SNTG1: variants seen among roughly 807,000 people sequenced by gnomAD.
The protein encoded by SNTG1 is syntrophin gamma 1.
A neutral mutation model predicts 74.7 loss-of-function variants in SNTG1; 39 were observed. The observed-to-expected ratio is 0.52, with a 90% CI of 0.40 to 0.68. The LOEUF (loss-of-function observed/expected upper bound fraction) is 0.68, where lower values mean the gene tolerates loss of function less well. SNTG1 is among the 30% of genes least tolerant of loss of function. The probability of loss-of-function intolerance (pLI) is 0.00; values close to 1 mark genes in which losing one functional copy is unlikely to be tolerated. For synonymous variants in SNTG1, 254 were observed against 217.1 expected, an observed-to-expected ratio of 1.17 and a Z score of -1.49; for missense variants, 685 against 609.5, an observed-to-expected ratio of 1.12 and a Z score of -1.30.
At chr8:50,738,049 T>A (rs10453121) in intron 17 of SNTG1, among the ~76,000 whole-genome samples, 15,521 of 152,100 alleles carry the variant, frequency 0.1, 2,214 homozygotes, top group African/African-American at 0.32. Context: ...GTATTGGAAG[T>A]TCTGGCCAGG....
intron 17 of SNTG1, among the ~76,000 whole-genome samples, chr8:50,728,922 G>A (rs972464094): frequency 1.3e-5 from 2 of 152,204 alleles, no homozygotes; most frequent in African/African-American, 4.8e-5. Flanking sequence ...GCACTGTCCA[G>A]AGTTCTGTGC....
At chr8:50,634,184 C>A (rs1426717876) in intron 13 of SNTG1, among the ~76,000 whole-genome samples, 2 of 152,078 alleles carry the variant, frequency 1.3e-5, no homozygotes, top group African/African-American at 4.8e-5. Flanking sequence ...GTCAATATAC[C>A]CCTAAATAAA....
At chr8:50,284,628 A>G (rs1409195976) in intron 2 of SNTG1, among the ~76,000 whole-genome samples, 1 of 152,234 alleles carries the variant, frequency 6.6e-6, no homozygotes, top group African/African-American at 2.4e-5. Flanking sequence ...GAAATCAGCC[A>G]TTTCTCCAAG....
chr8:49,960,862 C>CAAAAAGAATTAAGTTGGATG (rs1810618111), intron 1 of SNTG1, among the ~76,000 whole-genome samples: 1 of 152,060 alleles, frequency 6.6e-6, no homozygotes, highest in African/African-American at 2.4e-5. Flanking sequence ...GAGATAATGG[C>CAAAAAGAATTAAGTTGGATG]CCCTCTATTC....
At position 50,359,625 on chromosome 8, in the gene SNTG1, C is replaced by A. The variant is rs944832031; in HGVS notation, c.-27-34587C>A. On this transcript the variant is annotated intron_variant, in intron 2 of 18. Coordinates refer to ENST00000642720, the MANE Select transcript of SNTG1 (RefSeq NM_018967.5). ...ATTTTGGAAATCTGTCTAAAATATG[C>A]CACTGACTTGACAGTGAAAATAAAT... Among the ~76,000 whole-genome samples, 10 of 152,222 alleles carry A rather than the reference C, an allele frequency of 6.6e-5. No individual in the cohort carries two copies. In the East Asian group the frequency reaches 7.7e-4, roughly 12 times the overall value.
chr8:50,411,849 G>A (rs766976581), intron 4 of SNTG1, among the ~76,000 whole-genome samples: 4 of 152,122 alleles, frequency 2.6e-5, no homozygotes, highest in Admixed American at 6.5e-5. Context: ...GGTGGTGGCC[G>A]CAGTGGGATT....
chr8:50,143,875 T>C (rs910223445), intron 1 of SNTG1, among the ~76,000 whole-genome samples: 8 of 152,216 alleles, frequency 5.3e-5, no homozygotes, highest in African/African-American at 1.9e-4. Flanking sequence ...CTGCTGCTTA[T>C]TAAAAGTTAC....
In SNTG1 at chr8:50,726,588, G is replaced by C. The variant is rs189555169; in HGVS notation, c.1284+17610G>C. ...TTTGAGGCTGGGCGCACTGGCTCAC[G>C]CCTGTAATCCCAGCTCTTTGGGAGG... On this transcript the variant is annotated intron_variant, in intron 17 of 18. Coordinates refer to ENST00000642720, the MANE Select transcript of SNTG1 (RefSeq NM_018967.5). 9.1e-4 allele frequency among the ~76,000 whole-genome samples: 138 copies of C among 152,294 alleles called. 2 individuals carry two copies. The highest frequency in any genetic ancestry group is 6.8e-3 in the Middle Eastern group (2 of 294).
intron 4 of SNTG1, among the ~76,000 whole-genome samples, chr8:50,432,663 A>T (rs1344836143): frequency 6.6e-6 from 1 of 152,086 alleles, no homozygotes; most frequent in Non-Finnish European, 1.5e-5. Flanking sequence ...ATCTCTTCAT[A>T]TGTTTTGAAC....
In SNTG1 at chr8:50,290,772, T is replaced by C. The variant is rs191473929; in HGVS notation, c.-27-103440T>C. ...TTATTTATTTTGTTTTGTTTTGCTT[T>C]TTTTGAGACAGGGTCTCTGTTTGTC... On this transcript the variant is annotated intron_variant, in intron 2 of 18. Transcript: ENST00000642720. Among the ~76,000 whole-genome samples, 31 of 152,270 alleles carry C rather than the reference T, an allele frequency of 2.0e-4. 1 individual carries two copies. The East Asian group carries it at 3.9e-3, about 19-fold the overall frequency.
chr8:50,049,121 C>G (rs1563521620), intron 1 of SNTG1, among the ~76,000 whole-genome samples: 1 of 151,848 alleles, frequency 6.6e-6, no homozygotes. Context: ...TGGAAAAGAG[C>G]CATGAATTGT....
At chr8:50,720,572 A>G (rs986869261) in intron 17 of SNTG1, among the ~76,000 whole-genome samples, 1 of 152,204 alleles carries the variant, frequency 6.6e-6, no homozygotes, top group Admixed American at 6.5e-5. Context: ...TCTAAGCATT[A>G]TGAGGGCCTA....
At chr8:50,616,891 C>T (rs2094888926) in intron 13 of SNTG1, among the ~76,000 whole-genome samples, 1 of 152,024 alleles carries the variant, frequency 6.6e-6, no homozygotes, top group Non-Finnish European at 1.5e-5. Context: ...ACGCAAGCCC[C>T]AGCTGTAGTG....
chr8:50,126,348 C>T (rs189142369), intron 1 of SNTG1, among the ~76,000 whole-genome samples: 1 of 151,978 alleles, frequency 6.6e-6, no homozygotes, highest in Non-Finnish European at 1.5e-5. Context: ...ACATCCATAA[C>T]TGATACAGGA....
At chr8:50,672,200 TA>T (rs557625033) in intron 15 of SNTG1, among the ~76,000 whole-genome samples, 248 of 148,214 alleles carry the variant, frequency 1.7e-3, no homozygotes, top group African/African-American at 4.9e-3. Context: ...ATAATAATAA[TA>T]AAAAAAAATG....
At chr8:50,288,268 A>G (rs1161836004) in intron 2 of SNTG1, among the ~76,000 whole-genome samples, 1 of 152,178 alleles carries the variant, frequency 6.6e-6, no homozygotes, top group Non-Finnish European at 1.5e-5. Flanking sequence ...TTTAAATACA[A>G]AGATTTCCCT....
In SNTG1 at chr8:50,616,062, C is replaced by G. The variant is rs549398411; in HGVS notation, c.849+25145C>G. On this transcript the variant is annotated intron_variant, in intron 13 of 18. Coordinates refer to ENST00000642720, the MANE Select transcript of SNTG1 (RefSeq NM_018967.5). ...GAGTTCTCAGTTTTTGCTCTTACAA[C>G]CTTTATGTGGTTTGAAGAGCCCTGC... Among the ~76,000 whole-genome samples the G allele has an allele frequency of 5.3e-5, 8 of 152,274 alleles. No individual in the cohort carries two copies. The East Asian group carries it at 9.6e-4, about 18-fold the overall frequency.
chr8:50,581,603 A>T (rs919469529), intron 12 of SNTG1, among the ~76,000 whole-genome samples: 19 of 152,218 alleles, frequency 1.2e-4, no homozygotes, highest in African/African-American at 4.3e-4. Flanking sequence ...ATCTAAAAAA[A>T]ATTAGAGATT....
At chr8:50,683,275 G>T (rs546738779) in intron 15 of SNTG1, among the ~76,000 whole-genome samples, 10 of 152,088 alleles carry the variant, frequency 6.6e-5, no homozygotes, top group African/African-American at 2.2e-4. Flanking sequence ...ATATTTCCCC[G>T]TTGAAAGTTA....
Sources: gnomAD v4.1 joint callset for allele counts (sites outside exome capture counted in the v4.1 genomes callset) on GRCh38, gnomAD v4.1.1 for gene constraint, MANE v1.5 for transcripts, NCBI Gene and HGNC (gene_info 2026-07-23, HGNC 2026-07-21) for gene names.